Variants in LY86 observed in about 807,000 individuals in gnomAD.
LY86 encodes the protein lymphocyte antigen 86.
Under a neutral mutation model 17.3 loss-of-function variants are expected in LY86, and 20 were observed. The observed-to-expected ratio is 1.15, with a 90% CI of 0.81 to 1.68. The LOEUF is 1.68. LY86 is among the 40% of genes most tolerant of loss of function. The pLI, the probability that LY86 is intolerant of heterozygous loss-of-function variation, is 0.00. For missense variants in LY86, 200 were observed against 191.9 expected (o/e 1.04, Z -0.25); for synonymous variants, 74 against 70.6 (o/e 1.05, Z -0.24).
chr6:6,632,687 A>G (rs1456955020), intron 3 of LY86, among the ~76,000 whole-genome samples: 1 of 152,158 alleles, frequency 6.6e-6, no homozygotes, highest in Non-Finnish European at 1.5e-5. Context: ...TTTCATGGCT[A>G]TGTTGTTCTG....
intron 4 of LY86, among the ~76,000 whole-genome samples, chr6:6,651,763 G>A (rs1762189965): frequency 6.6e-6 from 1 of 152,002 alleles, no homozygotes; most frequent in Non-Finnish European, 1.5e-5. Context: ...CCCTTTGAAA[G>A]TAAGTTGAGA....
rs532961534 is a variant in LY86, at chr6:6,607,880, A to G, written c.137-17046A>G. Among the ~76,000 whole-genome samples, 9 of 152,232 alleles carry G rather than the reference A, an allele frequency of 5.9e-5. 1 individual carries two copies. Among genetic ancestry groups the G allele is most frequent in the Admixed American group, 2.6e-4 (4 of 15,304 alleles). Reference sequence around the variant, plus strand: ...GTGCCACTGCACTCCAGCTGACAGAATAAGACTCCATCTCAAAAAATAAAA... The same window carrying G: ...GTGCCACTGCACTCCAGCTGACAGAGTAAGACTCCATCTCAAAAAATAAAA... On this transcript the variant is annotated intron_variant, in intron 1 of 4. Transcript: ENST00000230568.
intron 1 of LY86, among the ~76,000 whole-genome samples, chr6:6,615,053 A>G (rs566619358): frequency 6.6e-6 from 1 of 152,356 alleles, no homozygotes; most frequent in South Asian, 2.1e-4. Context: ...TGAAGGGGTT[A>G]AACTTTGAGC....
At chr6:6,615,735 A>G (rs1761537638) in intron 1 of LY86, among the ~76,000 whole-genome samples, 1 of 151,378 alleles carries the variant, frequency 6.6e-6, no homozygotes, top group African/African-American at 2.4e-5. Context: ...AAAAAAAAAA[A>G]AAAAGCTGGG....
intron 1 of LY86, among the ~76,000 whole-genome samples, chr6:6,613,527 G>A (rs1168986744): frequency 1.3e-5 from 2 of 152,152 alleles, no homozygotes. Context: ...TTGCTGTCAG[G>A]CCGGCCGCTC....
intron 1 of LY86, among the ~76,000 whole-genome samples, chr6:6,603,463 A>G (rs1022464400): frequency 2.0e-5 from 3 of 152,096 alleles, no homozygotes; most frequent in African/African-American, 7.2e-5. Context: ...GCTATAAAGT[A>G]TCTGAAAATA....
intron 1 of LY86, among the ~76,000 whole-genome samples, chr6:6,602,121 C>CG (rs1760929275): frequency 6.6e-6 from 1 of 152,200 alleles, no homozygotes; most frequent in Non-Finnish European, 1.5e-5. Flanking sequence ...TCCTTCAGTT[C>CG]GATTTTACCA....
intron 1 of LY86, among the ~76,000 whole-genome samples, chr6:6,607,199 ATGTT>A (rs1294074351): frequency 6.6e-5 from 10 of 152,358 alleles, no homozygotes; most frequent in Admixed American, 2.6e-4. Flanking sequence ...AGTAAAGACA[ATGTT>A]TATTTATGCA....
At chr6:6,610,817 A>C (rs917224035) in intron 1 of LY86, among the ~76,000 whole-genome samples, 1 of 152,206 alleles carries the variant, frequency 6.6e-6, no homozygotes, top group Non-Finnish European at 1.5e-5. Context: ...ATGTTCAGCA[A>C]AGTCAGTAAG....
intron 1 of LY86, among the ~76,000 whole-genome samples, chr6:6,596,476 TTCTC>T (rs945771207): frequency 6.6e-6 from 1 of 152,288 alleles, no homozygotes; most frequent in East Asian, 1.9e-4. Flanking sequence ...AGACAGCAAT[TTCTC>T]TCTTCATTTA....
intron 1 of LY86, among the ~76,000 whole-genome samples, chr6:6,623,371 G>C (rs1761720754): frequency 6.6e-6 from 1 of 152,178 alleles, no homozygotes; most frequent in South Asian, 2.1e-4. Context: ...AGCTGAAGCT[G>C]GGAAGGTGCA....
intron 1 of LY86, among the ~76,000 whole-genome samples, chr6:6,623,925 G>A (rs1192650311): frequency 6.6e-6 from 1 of 152,224 alleles, no homozygotes. Flanking sequence ...GTAGCAAAGT[G>A]CAGAGTGATA....
intron 3 of LY86, among the ~76,000 whole-genome samples, chr6:6,643,576 C>T (rs1300442575): frequency 3.9e-5 from 6 of 152,314 alleles, no homozygotes; most frequent in South Asian, 2.1e-4. Context: ...GTTCTGGAGA[C>T]CTAACGTACA....
intron 1 of LY86, among the ~76,000 whole-genome samples, chr6:6,592,902 T>C (rs1358104184): frequency 6.6e-6 from 1 of 152,198 alleles, no homozygotes; most frequent in Non-Finnish European, 1.5e-5. Flanking sequence ...GGGGAAATCA[T>C]AAAGGCAGGA....
At position 6,654,563 on chromosome 6, in the gene LY86, T is replaced by C. The variant is rs769565132; in HGVS notation, c.425T>C (p.Leu142Pro). The C allele has an allele frequency of 1.3e-5, 21 of 1,614,038 alleles. No individual in the cohort carries two copies. In the South Asian group the frequency reaches 2.3e-4, roughly 18 times the overall value. ...TTGCAGGGAGAATACCAGGTTTTGCTGGAACTGTACACTGAAAAACGGTCC... is the reference window on the plus strand; with the variant it reads ...TTGCAGGGAGAATACCAGGTTTTGCCGGAACTGTACACTGAAAAACGGTCC... The part of the protein sequence containing the change: ...TIPQGEYQVL[L>P]ELYTEKRSTV... Residue 142 changes from leucine (L) to proline (P), a missense_variant, in exon 5 of 5, where the codon CTG becomes CCG. Physicochemically the swap from Leu to Pro is moderately conservative, Grantham distance 98. Transcript: ENST00000230568.
intron 3 of LY86, among the ~76,000 whole-genome samples, chr6:6,642,718 G>A (rs560870974): frequency 1.3e-5 from 2 of 152,326 alleles, no homozygotes; most frequent in Admixed American, 6.5e-5. Flanking sequence ...AGAAAGCAAA[G>A]CTTCAGATCA....
intron 4 of LY86, among the ~76,000 whole-genome samples, chr6:6,652,379 T>A (rs775501131): frequency 6.6e-6 from 1 of 152,056 alleles, no homozygotes; most frequent in Non-Finnish European, 1.5e-5. Context: ...TATCCCCTCC[T>A]CCAGCTAAAT....
intron 1 of LY86, among the ~76,000 whole-genome samples, chr6:6,590,686 T>C (rs141380857): frequency 6.6e-5 from 10 of 152,272 alleles, no homozygotes; most frequent in African/African-American, 2.2e-4. Flanking sequence ...TCTGCCACTT[T>C]GGAGGGAGAT....
intron 1 of LY86, among the ~76,000 whole-genome samples, chr6:6,601,505 G>A (rs1347139327): frequency 6.6e-6 from 1 of 152,134 alleles, no homozygotes; most frequent in African/African-American, 2.4e-5. Flanking sequence ...GGCAGATCAC[G>A]AGGTCAGGAG....
Sources: allele counts gnomAD v4.1 joint callset (sites outside exome capture counted in the v4.1 genomes callset), GRCh38; gene constraint gnomAD v4.1.1; transcripts MANE v1.5; gene names NCBI Gene and HGNC (gene_info 2026-07-23, HGNC 2026-07-21).